Variants in NOTCH1 observed in about 807,000 individuals in gnomAD.
NOTCH1 encodes the protein neurogenic locus notch homolog protein 1.
Under a neutral mutation model 254.8 loss-of-function variants are expected in NOTCH1, and 37 were observed. The ratio of observed to expected loss-of-function variants is 0.15; its 90% CI spans 0.11 to 0.19. The LOEUF is 0.19. Ranked by LOEUF, NOTCH1 falls within the 10% of genes least tolerant of loss-of-function variation. The pLI is 1.00. For synonymous variants in NOTCH1, 1,731 were observed against 1,618.1 expected, an observed-to-expected ratio of 1.07 and a Z score of -1.68; for missense variants, 2,972 against 3,708.6, an observed-to-expected ratio of 0.80 and a Z score of 5.16.
At position 136,496,432 on chromosome 9, in the gene NOTCH1, C is replaced by T. The variant is rs1391673708; in HGVS notation, c.7307G>A (p.Gly2436Glu). 2 of 1,599,834 alleles carry T rather than the reference C, an allele frequency of 1.3e-6. No individual in the cohort carries two copies. Among genetic ancestry groups the T allele is most frequent in the East Asian group, 2.2e-5 (1 of 44,878 alleles). Reference sequence around the variant, plus strand: ...CTGCACGTCTGCCTGGCTCGGCTCTCCACTCAGGAAGCTCCGGCCCAGGTG... The same window carrying T: ...CTGCACGTCTGCCTGGCTCGGCTCTTCACTCAGGAAGCTCCGGCCCAGGTG... ...SGHLGRSFLSGEPSQADVQPL... is the reference protein window; with the variant it reads ...SGHLGRSFLSEEPSQADVQPL... The change falls in exon 34 of 34, where the codon GGA (glycine) becomes GAA (glutamate). Residue 2436 changes from glycine (G) to glutamate (E), a missense_variant. Gly to Glu is a moderately conservative substitution (Grantham distance 98). Around this residue, in one of 8 missense-constraint regions of NOTCH1, gnomAD observed 529 missense variants for 529.2 expected, o/e 1.00. Transcript: ENST00000651671.
Position 136,511,281 on chromosome 9 carries a change from G to A in NOTCH1, c.2468-10C>T, listed in dbSNP as rs2133355112. ...ACCTCACACGTGGCACCTGCGGGAA[G>A]GAGACACACGTGACCCCGGGAGCCT... is the stretch of plus-strand genomic sequence containing the variant. On this transcript the variant is annotated splice_polypyrimidine_tract_variant and intron_variant, in intron 15 of 33. Coordinates refer to ENST00000651671, the MANE Select transcript of NOTCH1 (RefSeq NM_017617.5). 1.9e-6 allele frequency: 3 copies of A among 1,608,312 alleles called. No individual in the cohort carries two copies. The highest frequency in any genetic ancestry group is 1.7e-4 in the Middle Eastern group (1 of 6,054).
intron 27 of NOTCH1, 145 bp from the exon 28 acceptor site, chr9:136,502,633 A>G (rs1408519382): frequency 1.7e-6 from 1 of 577,962 alleles, no homozygotes. Context: ...AAATAAGGTC[A>G]TTTTCTACGC....
intron 7 of NOTCH1, 36 bp downstream of exon 7, chr9:136,518,100 AC>A (rs770291528): frequency 6.4e-7 from 1 of 1,563,044 alleles, no homozygotes; most frequent in South Asian, 1.2e-5. Context: ...CCAGGCTGCC[AC>A]CCCCACCTGG....
In NOTCH1 at chr9:136,517,730, G is replaced by A. The variant is rs371597158; in HGVS notation, c.1441+22C>T. On this transcript the variant is annotated intron_variant, in intron 8 of 33. Transcript: ENST00000651671. ...CTGCCCAGCCTCGACTCGGTTTCCC[G>A]CCCTGGCCCCGGCCGACGCACCGGG... 423 of 1,612,260 alleles carry A rather than the reference G, an allele frequency of 2.6e-4. 1 individual carries two copies. The highest frequency in any genetic ancestry group is 8.7e-4 in the Admixed American group (52 of 60,006).
chr9:136,504,566 G>T, intron 26 of NOTCH1, 107 bp downstream of exon 26: 2 of 1,186,442 alleles, frequency 1.7e-6, no homozygotes, highest in Non-Finnish European at 2.3e-6. Context: ...ACCATAAAGT[G>T]GGGAGAGTAC....
At chr9:136,534,574 C>T (rs78664929) in intron 2 of NOTCH1, among the ~76,000 whole-genome samples, 1 of 152,168 alleles carries the variant, frequency 6.6e-6, no homozygotes, top group Non-Finnish European at 1.5e-5. Flanking sequence ...CCAGACTGAA[C>T]AGCCCCGTGC....
At chr9:136,507,677 G>T (rs1224580097) in intron 21 of NOTCH1, among the ~76,000 whole-genome samples, 1 of 152,200 alleles carries the variant, frequency 6.6e-6, no homozygotes, top group East Asian at 1.9e-4. Context: ...TAGGATAGAG[G>T]TGAGGGCCTC....
intron 5 of NOTCH1, 107 bp from the exon 6 acceptor site, chr9:136,518,931 GC>G: frequency 1.1e-6 from 1 of 914,858 alleles, no homozygotes; most frequent in Non-Finnish European, 1.8e-6. Flanking sequence ...GCCTTCCTGG[GC>G]TGACTCCTCC....
At position 136,506,692 on chromosome 9, in the gene NOTCH1, C is replaced by T. The variant is rs2133343046; in HGVS notation, c.3901+24G>A. The stretch of plus-strand genomic sequence containing the variant: ...GCTCACCCTGCTGCCCCACACGCCC[C>T]ACCCGCCTGGGCGCGGCACCCACCG... On this transcript the variant is annotated intron_variant, in intron 23 of 33. Transcript: ENST00000651671. The surrounding 1 kb of genome is among the most constrained non-coding windows in gnomAD (Gnocchi z 4.5). The T allele has an allele frequency of 1.3e-6, 2 of 1,596,526 alleles. No homozygotes were observed. The highest frequency in any genetic ancestry group is 1.7e-6 in the Non-Finnish European group (2 of 1,172,388).
chr9:136,531,207 G>A (rs1212469483), intron 2 of NOTCH1, among the ~76,000 whole-genome samples: 1 of 152,208 alleles, frequency 6.6e-6, no homozygotes, highest in African/African-American at 2.4e-5. Context: ...ACCTACACTC[G>A]GGCTTTCCAA....
rs199506721 is a variant in NOTCH1 at position 136,510,718 on chromosome 9, C to T, written c.2675G>A (p.Arg892His). The change falls in exon 17 of 34, where the codon CGC becomes CAC. Residue 892 changes from arginine to histidine, a missense_variant. Coordinates refer to ENST00000651671, the MANE Select transcript of NOTCH1 (RefSeq NM_017617.5). ...ASCQNTHGGY[R>H]CHCQAGYSGR... ...ACTGTAGCCGGCCTGGCAGTGGCAG[C>T]GGTAGCCGCCGTGGGTGTTCTGGCA... 9 of 1,609,180 alleles carry T rather than the reference C, an allele frequency of 5.6e-6. No individual in the cohort carries two copies. The highest frequency in any genetic ancestry group is 2.2e-5 in the South Asian group (2 of 91,058).
chr9:136,509,774 G>A lies in NOTCH1; in HGVS notation c.2928C>T (p.Ser976=), dbSNP rs534911025. The A allele has an allele frequency of 3.5e-5, 56 of 1,613,074 alleles. No individual in the cohort carries two copies. The highest frequency in any genetic ancestry group is 1.6e-4 in the Middle Eastern group (1 of 6,062). ...GCGTGTTGTTCTCACAGTGGATCCC[G>A]CTGAAGCCTGCGGGGCAGGTGCACG... ...SYTCTCPAGF[S]GIHCENNTPD... is the part of the protein sequence containing the mutation. The change falls in exon 18 of 34, where the codon AGC becomes AGT. Residue 976 remains serine, a synonymous_variant. Coordinates refer to ENST00000651671, the MANE Select transcript of NOTCH1 (RefSeq NM_017617.5).
chr9:136,513,109 G>A lies in NOTCH1; in HGVS notation c.2379C>T (p.Asn793=), dbSNP rs200565505. The change falls in exon 15 of 34, where the codon AAC becomes AAT. Residue 793 remains asparagine (N), a synonymous_variant. Transcript: ENST00000651671. This position sits in a 1 kb window ranked among gnomAD's most constrained non-coding sequence, Gnocchi z 4.7. Reference sequence around the variant, plus strand: ...TCAGACATGGGTTGGACGCACACTCGTTGATGTTGGTCTGGCAGTTGGGAC... The same window carrying A: ...TCAGACATGGGTTGGACGCACACTCATTGATGTTGGTCTGGCAGTTGGGAC... ...FSGPNCQTNI[N]ECASNPCLNQ... The A allele has an allele frequency of 1.9e-5, 30 of 1,612,738 alleles. No homozygotes were observed. Among genetic ancestry groups the A allele is most frequent in the Admixed American group, 8.3e-5 (5 of 59,988 alleles).
intron 26 of NOTCH1, among the ~76,000 whole-genome samples, chr9:136,503,858 G>A (rs1336603612): frequency 1.3e-5 from 2 of 152,212 alleles, no homozygotes; most frequent in Non-Finnish European, 2.9e-5. Flanking sequence ...CAGCAGAACT[G>A]ACAGGCAAAC....
chr9:136,497,460 C>T lies in NOTCH1; in HGVS notation c.6279G>A (p.Met2093Ile). 6.2e-7 allele frequency: 1 copy of T among 1,612,496 alleles called. No individual in the cohort carries two copies. Among genetic ancestry groups the T allele is most frequent in the South Asian group, 1.1e-5 (1 of 91,088 alleles). The change falls in exon 34 of 34, where the codon ATG (methionine) becomes ATA (isoleucine). Residue 2093 changes from methionine (M) to isoleucine (I), a missense_variant. Around this residue, in one of 8 missense-constraint regions of NOTCH1, gnomAD observed 529 missense variants for 529.2 expected, o/e 1.00. Transcript: ENST00000651671. ...GTGCGATGTCGCGCGGCAGGCGGTC[C>T]ATATGATCCGTGATGTCCCGGTTGG... ...HFANRDITDH[M>I]DRLPRDIAQE...
At position 136,522,950 on chromosome 9, in the gene NOTCH1, G is replaced by T; in HGVS notation, c.642C>A (p.Asn214Lys). 1.3e-6 allele frequency: 2 copies of T among 1,557,298 alleles called. No homozygotes were observed. Among genetic ancestry groups the T allele is most frequent in the East Asian group, 2.4e-5 (1 of 41,480 alleles). Reference sequence around the variant, plus strand: ...TGCAGGGCACGTAGGGCCGCTCGCAGTTGGGGCCAGTGTGGGTGGCGCGGC... The same window carrying T: ...TGCAGGGCACGTAGGGCCGCTCGCATTTGGGGCCAGTGTGGGTGGCGCGGC... Reference protein sequence around the residue: ...CVCRATHTGPNCERPYVPCSP... With the variant: ...CVCRATHTGPKCERPYVPCSP... Residue 214 changes from asparagine (N) to lysine (K), a missense_variant, in exon 4 of 34, where the codon AAC (asparagine) becomes AAA (lysine). By Grantham distance (94) the Asn-to-Lys change is moderately conservative. This residue lies in a region of NOTCH1 where 374 missense variants were observed against 496.3 expected (regional missense o/e 0.75). Coordinates refer to ENST00000651671, the MANE Select transcript of NOTCH1 (RefSeq NM_017617.5).
Position 136,517,077 on chromosome 9 carries a change from A to C in NOTCH1, c.1555+195T>G, listed in dbSNP as rs1357957816. Among the ~76,000 whole-genome samples the C allele has an allele frequency of 2.8e-5, 4 of 142,360 alleles. No individual in the cohort carries two copies. In the East Asian group the frequency reaches 8.5e-4, roughly 30 times the overall value. The allele number at this position is 142,360 out of a possible 152,430, so 93.4% of individuals were successfully genotyped here. On this transcript the variant is annotated intron_variant, in intron 9 of 33. Transcript: ENST00000651671. ...GGTGCAGACGGCCCAGGAGCAGGGGACACAACCCACGGCCCTCACCCCTCA... is the reference window on the plus strand; with the variant it reads ...GGTGCAGACGGCCCAGGAGCAGGGGCCACAACCCACGGCCCTCACCCCTCA...
In NOTCH1 at chr9:136,533,058, G is replaced by A. The variant is rs953699915; in HGVS notation, c.141-9079C>T. Among the ~76,000 whole-genome samples the A allele has an allele frequency of 1.1e-4, 16 of 144,034 alleles. 1 individual carries two copies. Among genetic ancestry groups the A allele is most frequent in the Non-Finnish European group, 2.3e-4 (15 of 66,394 alleles). The allele number at this position is 144,034 out of a possible 152,430, so 94.5% of individuals were successfully genotyped here. A position where few individuals can be genotyped will look rare whatever the true frequency, so the allele number is the denominator to read the frequency against. On this transcript the variant is annotated intron_variant, in intron 2 of 33. Coordinates refer to ENST00000651671, the MANE Select transcript of NOTCH1 (RefSeq NM_017617.5). ...CCCTGGAGGCCCAGGACAGGACCTCGCCACGGCCTGAGCCCCGCCACCATG... is the reference window on the plus strand; with the variant it reads ...CCCTGGAGGCCCAGGACAGGACCTCACCACGGCCTGAGCCCCGCCACCATG...
At chr9:136,499,411 A>G (rs1211553387) in intron 31 of NOTCH1, 152 bp from the exon 32 acceptor site, 1 of 1,194,206 alleles carries the variant, frequency 8.4e-7, no homozygotes, top group Non-Finnish European at 1.2e-6. Flanking sequence ...ACGAAACGCC[A>G]TGGGGCTGCC....
Sources: gnomAD v4.1 joint callset for allele counts (sites outside exome capture counted in the v4.1 genomes callset) on GRCh38, gnomAD v4.1.1 for gene constraint, gnomAD v4.1.1 regional missense constraint, Gnocchi (gnomAD v3.1) non-coding constraint, MANE v1.5 for transcripts, NCBI Gene and HGNC (gene_info 2026-07-23, HGNC 2026-07-21) for gene names.